The following DDR2 variants were observed in gnomAD, a reference collection of about 807,000 sequenced individuals.
The protein encoded by DDR2 is discoidin domain receptor tyrosine kinase 2.
Under a neutral mutation model 94.9 loss-of-function variants are expected in DDR2, and 27 were observed. That is an observed-to-expected ratio of 0.28 (90% CI 0.21 to 0.39). The LOEUF (loss-of-function observed/expected upper bound fraction) is 0.39. Among genes scored for constraint, DDR2 ranks in the 10% least tolerant of loss-of-function variants. The pLI is 1.00. For missense variants in DDR2, 783 were observed against 1,076.0 expected (o/e 0.73, Z 3.81); for synonymous variants, 382 against 377.2 (o/e 1.01, Z -0.15).
chr1:162,679,801 T>C (rs966922496), intron 2 of DDR2, among the ~76,000 whole-genome samples: 2 of 152,178 alleles, frequency 1.3e-5, no homozygotes, highest in East Asian at 3.8e-4. Flanking sequence ...ACATCTGTTT[T>C]GTTTTGTTTT....
chr1:162,736,704 G>A (rs1441127757), intron 3 of DDR2, among the ~76,000 whole-genome samples: 1 of 152,212 alleles, frequency 6.6e-6, no homozygotes, highest in Non-Finnish European at 1.5e-5. Context: ...GTTAAACTAT[G>A]ACACTATTTG....
Position 162,754,733 on chromosome 1 carries a change from C to T in DDR2, c.295C>T (p.Leu99=), listed in dbSNP as rs751731097. Reference sequence around the variant, plus strand: ...CTTGCACACCCTCCATTTTATCACTCTGGTGGGGACCCAGGGGCGCCATGC... The same window carrying T: ...CTTGCACACCCTCCATTTTATCACTTTGGTGGGGACCCAGGGGCGCCATGC... The part of the protein sequence containing the change: ...IDLHTLHFIT[L]VGTQGRHAGG... Residue 99 remains leucine, a synonymous_variant, in exon 5 of 18, where the codon CTG becomes TTG. Coordinates refer to ENST00000367921, the MANE Select transcript of DDR2 (RefSeq NM_006182.4). 1 of 1,614,134 alleles carries T rather than the reference C, an allele frequency of 6.2e-7. No homozygotes were observed. The highest frequency in any genetic ancestry group is 8.5e-7 in the Non-Finnish European group (1 of 1,180,012).
intron 1 of DDR2, among the ~76,000 whole-genome samples, chr1:162,636,591 G>A (rs1656837256): frequency 6.6e-6 from 1 of 152,182 alleles, no homozygotes; most frequent in African/African-American, 2.4e-5. Flanking sequence ...AAAAGAACAT[G>A]TAGTGAGGCT....
chr1:162,673,595 A>ATG (rs1375441574), intron 2 of DDR2, among the ~76,000 whole-genome samples: 179 of 105,324 alleles, frequency 1.7e-3, no homozygotes, highest in Middle Eastern at 8.3e-3. Flanking sequence ...GTGTGTGTGT[A>ATG]TGTGTGTGTG....
intron 3 of DDR2, among the ~76,000 whole-genome samples, chr1:162,745,639 T>C (rs559685466): frequency 3.3e-4 from 50 of 152,232 alleles, no homozygotes; most frequent in South Asian, 2.9e-3. Flanking sequence ...TTGACCTGTG[T>C]GGGTGACTTC....
chr1:162,770,462 C>G lies in DDR2; in HGVS notation c.1454C>G (p.Ser485Cys), dbSNP rs1664210988. 2 of 1,614,074 alleles carry G rather than the reference C, an allele frequency of 1.2e-6. No homozygotes were observed. Among genetic ancestry groups the G allele is most frequent in the South Asian group, 1.1e-5 (1 of 91,066 alleles). Residue 485 changes from serine to cysteine, a missense_variant, in exon 12 of 18, where the codon TCC (serine) becomes TGC (cysteine). Ser to Cys is a moderately radical substitution (Grantham distance 112, BLOSUM62 -1). Transcript: ENST00000367921. ...FPLRPDYQEP[S>C]RLIRKLPEFA... ...CTTCGCCCTGACTACCAGGAGCCAT[C>G]CAGGCTGATACGAAAACTCCCAGAA...
chr1:162,652,686 T>G (rs1156689808), intron 1 of DDR2, among the ~76,000 whole-genome samples: 3 of 152,240 alleles, frequency 2.0e-5, no homozygotes, highest in Non-Finnish European at 4.4e-5. Flanking sequence ...ATTACAATTA[T>G]GCATCCTCAT....
At chr1:162,636,016 A>G (rs1336121622) in intron 1 of DDR2, among the ~76,000 whole-genome samples, 2 of 152,256 alleles carry the variant, frequency 1.3e-5, no homozygotes, top group African/African-American at 2.4e-5. Context: ...TGGAACATCA[A>G]TCACCTCGTG....
intron 2 of DDR2, among the ~76,000 whole-genome samples, chr1:162,673,577 G>T (rs527838826): frequency 1.3e-3 from 180 of 139,898 alleles, no homozygotes; most frequent in Non-Finnish European, 2.2e-3. Flanking sequence ...CTGTCATTAT[G>T]TGCGTGTGTG....
chr1:162,669,312 T>C (rs1658724170), intron 2 of DDR2, among the ~76,000 whole-genome samples: 1 of 152,236 alleles, frequency 6.6e-6, no homozygotes, highest in Admixed American at 6.5e-5. Context: ...TAAAATGCAG[T>C]ATTCTGATTT....
At chr1:162,635,464 A>G (rs1377995118) in intron 1 of DDR2, among the ~76,000 whole-genome samples, 8 of 152,172 alleles carry the variant, frequency 5.3e-5, no homozygotes, top group African/African-American at 1.9e-4. Context: ...GCATCCAAAA[A>G]GCAAACACAC....
chr1:162,658,129 A>G (rs1658098436), intron 2 of DDR2, among the ~76,000 whole-genome samples: 2 of 152,162 alleles, frequency 1.3e-5, no homozygotes, highest in South Asian at 4.1e-4. Context: ...CATTAGTTAG[A>G]AACTGTCTTT....
Position 162,754,613 on chromosome 1 carries a change from C to T in DDR2, c.186-11C>T, listed in dbSNP as rs2102132181. ...GGTTGCTCCCTCTCTCCCCAACCCT[C>T]ACCTCTCAAGGCTGGACTCAGAAGA... On this transcript the variant is annotated splice_polypyrimidine_tract_variant and intron_variant, in intron 4 of 17. Transcript: ENST00000367921. 1 of 1,613,868 alleles carries T rather than the reference C, an allele frequency of 6.2e-7. No homozygotes were observed. The highest frequency in any genetic ancestry group is 8.5e-7 in the Non-Finnish European group (1 of 1,179,756).
chr1:162,659,057 T>C (rs544624443), intron 2 of DDR2, among the ~76,000 whole-genome samples: 1 of 152,290 alleles, frequency 6.6e-6, no homozygotes, highest in East Asian at 1.9e-4. Flanking sequence ...ACAATATTTT[T>C]ATTTACCAAA....
chr1:162,662,195 A>G (rs948454338), intron 2 of DDR2, among the ~76,000 whole-genome samples: 1 of 152,230 alleles, frequency 6.6e-6, no homozygotes, highest in Non-Finnish European at 1.5e-5. Context: ...AAGAAGTACA[A>G]TGTATTCATT....
intron 13 of DDR2, 47 bp from the exon 14 acceptor site, chr1:162,773,422 A>G: frequency 1.9e-6 from 3 of 1,610,284 alleles, no homozygotes; most frequent in Non-Finnish European, 2.5e-6. Flanking sequence ...GTACTGAGAC[A>G]TCTTCAGGAG....
chr1:162,741,691 A>G (rs1662622069), intron 3 of DDR2: 1 of 985,228 alleles, frequency 1.0e-6, no homozygotes, highest in Non-Finnish European at 1.2e-6. Flanking sequence ...GGAGACATAC[A>G]CACAGGTGAC....
intron 3 of DDR2, among the ~76,000 whole-genome samples, chr1:162,722,290 T>C (rs935143122): frequency 6.6e-6 from 1 of 152,112 alleles, no homozygotes; most frequent in African/African-American, 2.4e-5. Context: ...GTAATGGCAG[T>C]GTTAAAGGTA....
At chr1:162,675,876 A>G (rs1659100534) in intron 2 of DDR2, among the ~76,000 whole-genome samples, 1 of 152,182 alleles carries the variant, frequency 6.6e-6, no homozygotes, top group South Asian at 2.1e-4. Context: ...GAGAGAGCTG[A>G]AAGTGTAGAC....
Sources: allele counts gnomAD v4.1 joint callset (sites outside exome capture counted in the v4.1 genomes callset), GRCh38; gene constraint gnomAD v4.1.1; transcripts MANE v1.5; gene names NCBI Gene and HGNC (gene_info 2026-07-23, HGNC 2026-07-21).